Variants in NRG1 observed in about 807,000 individuals in gnomAD.
NRG1 encodes the protein neuregulin 1, also known as pro-neuregulin-1, membrane-bound isoform.
A neutral mutation model predicts 63.8 loss-of-function variants in NRG1; 18 were observed. The observed-to-expected ratio is 0.28, with a 90% CI of 0.19 to 0.42. The LOEUF (loss-of-function observed/expected upper bound fraction) is 0.42, where lower values mean the gene tolerates loss of function less well. Among genes scored for constraint, NRG1 ranks in the 10% least tolerant of loss-of-function variants. NRG1 has a pLI of 1.00. For missense variants in NRG1, 762 were observed against 814.7 expected, an observed-to-expected ratio of 0.94 and a Z score of 0.79; for synonymous variants, 302 against 301.3, an observed-to-expected ratio of 1.00 and a Z score of -0.02.
At chr8:32,140,817 C>T (rs189023587) in intron 1 of NRG1, among the ~76,000 whole-genome samples, 2 of 152,132 alleles carry the variant, frequency 1.3e-5, no homozygotes, top group African/African-American at 4.8e-5. Flanking sequence ...CTCAGGGTGA[C>T]AACCTCCACC....
At chr8:32,205,053 G>A (rs1843889260) in intron 1 of NRG1, among the ~76,000 whole-genome samples, 1 of 152,090 alleles carries the variant, frequency 6.6e-6, no homozygotes, top group African/African-American at 2.4e-5. Context: ...CCATTTTATA[G>A]AACAAATAAT....
chr8:32,721,994 C>G (rs1735142305), intron 5 of NRG1: 2 of 1,546,626 alleles, frequency 1.3e-6, no homozygotes, highest in African/African-American at 1.4e-5. Context: ...CTTCAAAGAG[C>G]AGGAAAGTAT....
downstream of NRG1, among the ~76,000 whole-genome samples, chr8:32,769,487 G>A (rs1034290135): frequency 6.6e-6 from 1 of 152,092 alleles, no homozygotes; most frequent in South Asian, 2.1e-4. Context: ...CTGTCCTAAC[G>A]ATGAATGATA....
intron 1 of NRG1, among the ~76,000 whole-genome samples, chr8:32,401,611 A>G (rs1018271269): frequency 2.6e-5 from 4 of 152,212 alleles, no homozygotes; most frequent in African/African-American, 9.6e-5. Flanking sequence ...GGAGGCCATT[A>G]TCCTTAGCAA....
chr8:32,759,328 T>G, exon 10 of NRG1: 1 of 1,613,708 alleles, frequency 6.2e-7, no homozygotes, highest in African/African-American at 1.3e-5. Flanking sequence ...AAAAACGTCA[T>G]CTCCAGTGAG....
intron 5 of NRG1, among the ~76,000 whole-genome samples, chr8:32,649,267 A>G (rs1432230496): frequency 6.6e-6 from 1 of 151,824 alleles, no homozygotes. Context: ...TAAAAACAAT[A>G]CATTCCTGTT....
intron 1 of NRG1, among the ~76,000 whole-genome samples, chr8:31,791,356 C>T (rs1820692801): frequency 6.6e-6 from 1 of 152,064 alleles, no homozygotes. Flanking sequence ...AACACTATTG[C>T]TATTAATAAA....
intron 1 of NRG1, among the ~76,000 whole-genome samples, chr8:31,646,373 C>G (rs1302186394): frequency 6.6e-6 from 1 of 152,168 alleles, no homozygotes; most frequent in Non-Finnish European, 1.5e-5. Context: ...AATATGTGAG[C>G]TGAATCAAGC....
chr8:32,450,422 G>GA (rs966706152), intron 1 of NRG1, among the ~76,000 whole-genome samples: 22 of 148,156 alleles, frequency 1.5e-4, no homozygotes, highest in East Asian at 4.0e-4. Context: ...TTCTAAAAAA[G>GA]AAAAAAAAAA....
intron 1 of NRG1, among the ~76,000 whole-genome samples, chr8:32,484,182 G>T (rs1009729457): frequency 6.6e-6 from 1 of 151,968 alleles, no homozygotes; most frequent in Non-Finnish European, 1.5e-5. Flanking sequence ...GCAGGAAATA[G>T]AACAAAACCA....
At chr8:31,802,293 A>G (rs748418358) in intron 1 of NRG1, among the ~76,000 whole-genome samples, 5 of 152,278 alleles carry the variant, frequency 3.3e-5, no homozygotes, top group African/African-American at 4.8e-5. Context: ...ACTTCATGCT[A>G]CATTCCTTCA....
chr8:31,698,903 A>T (rs563109210), intron 1 of NRG1, among the ~76,000 whole-genome samples: 52 of 152,368 alleles, frequency 3.4e-4, no homozygotes, highest in Non-Finnish European at 5.9e-4. Context: ...ACAAAGATTT[A>T]TGAACACAAA....
intron 1 of NRG1, among the ~76,000 whole-genome samples, chr8:31,699,308 C>T (rs1279158287): frequency 2.0e-5 from 3 of 152,180 alleles, no homozygotes; most frequent in African/African-American, 7.2e-5. Context: ...CCAGGTAACA[C>T]TTGTTGTTTT....
chr8:32,487,150 T>TAA (rs5890654), intron 1 of NRG1, among the ~76,000 whole-genome samples: 204 of 143,856 alleles, frequency 1.4e-3, no homozygotes, highest in African/African-American at 4.3e-3. Context: ...CCACTATTGA[T>TAA]AAAAAAAAAA....
rs62510601 is a variant in NRG1, at chr8:31,927,714, C to T, written c.37+288283C>T. Among the ~76,000 whole-genome samples the T allele has an allele frequency of 8.9e-3, 1,342 of 150,294 alleles. 12 individuals are homozygous for T. Among genetic ancestry groups the T allele is most frequent in the Middle Eastern group, 0.014 (4 of 286 alleles). ...CCGCCCGCCTCGGCCTCCCAAAGTG[C>T]TGGGATTACAGGCGTGAGCCACCGC... On this transcript the variant is annotated intron_variant, in intron 1 of 10. Transcript: ENST00000519301.
At chr8:31,861,146 G>T (rs1287203227) in intron 1 of NRG1, among the ~76,000 whole-genome samples, 1 of 152,172 alleles carries the variant, frequency 6.6e-6, no homozygotes, top group Non-Finnish European at 1.5e-5. Context: ...GTTAGAAATT[G>T]CTGAGATAAG....
chr8:32,670,160 TCTC>T (rs1805259625), intron 5 of NRG1, among the ~76,000 whole-genome samples: 1 of 152,178 alleles, frequency 6.6e-6, no homozygotes, highest in Non-Finnish European at 1.5e-5. Context: ...CTCCTTCTCT[TCTC>T]CTTGGCTAAA....
intron 1 of NRG1, among the ~76,000 whole-genome samples, chr8:32,453,714 G>A (rs889788208): frequency 6.6e-6 from 1 of 152,136 alleles, no homozygotes; most frequent in East Asian, 1.9e-4. Flanking sequence ...TTCGAGCATC[G>A]TTGTTGATAC....
chr8:31,698,601 GTT>G (rs1034607150), intron 1 of NRG1, among the ~76,000 whole-genome samples: 1 of 152,140 alleles, frequency 6.6e-6, no homozygotes, highest in African/African-American at 2.4e-5. Context: ...TGAAATGAAA[GTT>G]TTCATGAAAA....
Sources: gnomAD v4.1 joint callset for allele counts (sites outside exome capture counted in the v4.1 genomes callset) on GRCh38, gnomAD v4.1.1 for gene constraint, MANE v1.5 for transcripts, NCBI Gene and HGNC (gene_info 2026-07-23, HGNC 2026-07-21) for gene names.